Variants in RSRC1 observed in about 807,000 individuals in gnomAD.
RSRC1 encodes serine/Arginine-related protein 53.
In RSRC1, 39 loss-of-function variants were observed where a neutral mutation model predicts 49.1. The observed-to-expected ratio is 0.79, with a 90% CI of 0.61 to 1.04. The LOEUF is 1.04. Ranked by LOEUF, RSRC1 falls within the 50% of genes least tolerant of loss-of-function variation. The pLI is 0.00. For synonymous variants in RSRC1, 143 were observed against 130.8 expected (o/e 1.09, Z -0.63); for missense variants, 388 against 402.4 (o/e 0.96, Z 0.31).
At chr3:158,173,024 A>G (rs1718968099) in intron 3 of RSRC1, among the ~76,000 whole-genome samples, 1 of 152,036 alleles carries the variant, frequency 6.6e-6, no homozygotes, top group Admixed American at 6.6e-5. Flanking sequence ...GTCGATATGT[A>G]TCTATCTAAT....
At chr3:158,127,761 T>TTA (rs1715726461) in intron 3 of RSRC1, among the ~76,000 whole-genome samples, 2 of 148,756 alleles carry the variant, frequency 1.3e-5, no homozygotes, top group African/African-American at 4.9e-5. Flanking sequence ...TTGTGGTTTT[T>TTA]TTTTTTTTTT....
At chr3:158,339,015 G>C (rs990323908) in intron 5 of RSRC1, among the ~76,000 whole-genome samples, 2 of 152,062 alleles carry the variant, frequency 1.3e-5, no homozygotes, top group African/African-American at 4.8e-5. Context: ...TACTAGGGCC[G>C]GGCGCGGTGG....
At chr3:158,131,316 T>C (rs1716007828) in intron 3 of RSRC1, among the ~76,000 whole-genome samples, 1 of 152,164 alleles carries the variant, frequency 6.6e-6, no homozygotes, top group African/African-American at 2.4e-5. Flanking sequence ...AAAAGCTTTT[T>C]CTTTATCTAG....
In RSRC1 at chr3:158,444,492, T is replaced by C. The variant is rs1736573173; in HGVS notation, c.584-16443T>C. Among the ~76,000 whole-genome samples the C allele has an allele frequency of 2.0e-5, 3 of 152,096 alleles. No homozygotes were observed. The South Asian group carries it at 6.2e-4, about 32-fold the overall frequency. On this transcript the variant is annotated intron_variant, in intron 6 of 9. Coordinates refer to ENST00000611884, the MANE Select transcript of RSRC1 (RefSeq NM_001271838.2). ...GAAACTGGATCGCTTCCTTACACCA[T>C]ATACAAAAAGTAAGTCAAGATGGAT...
intron 5 of RSRC1, among the ~76,000 whole-genome samples, chr3:158,306,785 A>G (rs1727860776): frequency 6.6e-6 from 1 of 151,924 alleles, no homozygotes; most frequent in African/African-American, 2.4e-5. Context: ...CAATTTTGGT[A>G]GTGACTATAT....
At chr3:158,431,163 G>A (rs1560039990) in intron 6 of RSRC1, among the ~76,000 whole-genome samples, 1 of 151,872 alleles carries the variant, frequency 6.6e-6, no homozygotes, top group Non-Finnish European at 1.5e-5. Context: ...TTTAATAATT[G>A]TTTTACATTG....
At chr3:158,419,861 A>G (rs149129223) in intron 6 of RSRC1, among the ~76,000 whole-genome samples, 39 of 151,862 alleles carry the variant, frequency 2.6e-4, no homozygotes, top group African/African-American at 9.4e-4. Context: ...CACTCAAAGT[A>G]CAGCACTTGA....
intron 4 of RSRC1, among the ~76,000 whole-genome samples, chr3:158,243,968 A>AG (rs1723741353): frequency 7.5e-6 from 1 of 133,518 alleles, no homozygotes; most frequent in Non-Finnish European, 1.6e-5. Flanking sequence ...TTTTTTTTTT[A>AG]ATATACAGGA....
intron 6 of RSRC1, among the ~76,000 whole-genome samples, chr3:158,420,952 C>G (rs929204112): frequency 6.6e-6 from 1 of 151,832 alleles, no homozygotes; most frequent in Non-Finnish European, 1.5e-5. Flanking sequence ...AATAATAATT[C>G]TGATATGTGC....
chr3:158,376,015 GGGTGAGTCTCCACTGATTTCTGA>G (rs1338993712), intron 6 of RSRC1, among the ~76,000 whole-genome samples: 21 of 128,428 alleles, frequency 1.6e-4, no homozygotes, highest in African/African-American at 9.9e-4. Context: ...CTCTTTTTAA[GGGTGAGTCTCCACTGATTTCTGA>G]ACTCTCTTTC....
chr3:158,543,279 G>T (rs1272782842), intron 8 of RSRC1, 56 bp from the exon 9 acceptor site: 9 of 1,362,232 alleles, frequency 6.6e-6, no homozygotes, highest in Admixed American at 2.9e-5. Flanking sequence ...AAATATTTTT[G>T]AAGTAAAACT....
chr3:158,168,781 A>G (rs934973969), intron 3 of RSRC1, among the ~76,000 whole-genome samples: 2 of 152,132 alleles, frequency 1.3e-5, no homozygotes, highest in Non-Finnish European at 2.9e-5. Flanking sequence ...ATGTTGGAGG[A>G]TATAACAAAT....
chr3:158,276,412 A>G, intron 4 of RSRC1: 1 of 757,958 alleles, frequency 1.3e-6, no homozygotes. Context: ...ATGTGCTTGT[A>G]TGCACCCATC....
chr3:158,322,982 A>G lies in RSRC1; in HGVS notation c.531+24907A>G, dbSNP rs576198530. 3.9e-5 allele frequency among the ~76,000 whole-genome samples: 6 copies of G among 152,286 alleles called. No individual in the cohort carries two copies. The South Asian group carries it at 1.2e-3, about 32-fold the overall frequency. On this transcript the variant is annotated intron_variant, in intron 5 of 9. Transcript: ENST00000611884. ...GAAGTCTTTGTCTGCTAAAACAGACATCTGGGTTAATTTGGAGTTTCTATT... is the reference window on the plus strand; with the variant it reads ...GAAGTCTTTGTCTGCTAAAACAGACGTCTGGGTTAATTTGGAGTTTCTATT...
intron 6 of RSRC1, among the ~76,000 whole-genome samples, chr3:158,428,233 A>T (rs1265261417): frequency 6.6e-6 from 1 of 151,858 alleles, no homozygotes; most frequent in Non-Finnish European, 1.5e-5. Context: ...TAGTTAGCCT[A>T]CTGATTTCTT....
intron 4 of RSRC1, among the ~76,000 whole-genome samples, chr3:158,206,483 A>G (rs1721349187): frequency 6.6e-6 from 1 of 152,060 alleles, no homozygotes; most frequent in Admixed American, 6.6e-5. Flanking sequence ...ATGATGAGAG[A>G]TGATTATGAG....
chr3:158,304,801 G>A (rs1488279368), intron 5 of RSRC1, among the ~76,000 whole-genome samples: 1 of 152,156 alleles, frequency 6.6e-6, no homozygotes, highest in Non-Finnish European at 1.5e-5. Flanking sequence ...GTGATCATGA[G>A]ATGAAACAGC....
At chr3:158,250,751 T>C (rs1392591676) in intron 4 of RSRC1, among the ~76,000 whole-genome samples, 1 of 152,244 alleles carries the variant, frequency 6.6e-6, no homozygotes, top group Non-Finnish European at 1.5e-5. Context: ...GCAGATATTT[T>C]CTTTGGGATG....
At chr3:158,497,126 T>C (rs1739363760) in intron 7 of RSRC1, among the ~76,000 whole-genome samples, 2 of 152,158 alleles carry the variant, frequency 1.3e-5, no homozygotes, top group African/African-American at 4.8e-5. Context: ...TTATGTATAT[T>C]CACACTGTTG....
Sources: gnomAD v4.1 joint callset for allele counts (sites outside exome capture counted in the v4.1 genomes callset) on GRCh38, gnomAD v4.1.1 for gene constraint, MANE v1.5 for transcripts, NCBI Gene and HGNC (gene_info 2026-07-23, HGNC 2026-07-21) for gene names.